HECW2: variants seen among roughly 807,000 people sequenced by gnomAD.
HECW2 encodes HECT, C2 and WW domain containing E3 ubiquitin protein ligase 2.
Under a neutral mutation model 175.2 loss-of-function variants are expected in HECW2, and 61 were observed. The ratio of observed to expected loss-of-function variants is 0.35; its 90% CI spans 0.28 to 0.43. HECW2 has a LOEUF of 0.43. Among genes scored for constraint, HECW2 ranks in the 20% least tolerant of loss-of-function variants. The pLI is 1.00. For synonymous variants in HECW2, 671 were observed against 731.0 expected, an observed-to-expected ratio of 0.92 and a Z score of 1.32; for missense variants, 1,524 against 2,000.5, an observed-to-expected ratio of 0.76 and a Z score of 4.54.
rs896429961 is a variant in HECW2 at position 196,555,143 on chromosome 2, T to A, written c.-36+38365A>T. 6.6e-5 allele frequency among the ~76,000 whole-genome samples: 10 copies of A among 152,146 alleles called. No homozygotes were observed. The East Asian group carries it at 1.9e-3, about 29-fold the overall frequency. ...TAAATAAGGAAGAAAAAACAAGCAA[T>A]TTTTTTTCTGTTTGGACTGCTATAA... On this transcript the variant is annotated intron_variant, in intron 1 of 28. Transcript: ENST00000644978.
chr2:196,227,766 T>C (rs984983142), intron 22 of HECW2, among the ~76,000 whole-genome samples: 6 of 152,274 alleles, frequency 3.9e-5, no homozygotes, highest in East Asian at 1.9e-4. Flanking sequence ...TTAGAGCTCA[T>C]AGGCACCCAA....
intron 1 of HECW2, 73 bp from the exon 2 acceptor site, chr2:196,433,531 A>C: frequency 9.0e-7 from 1 of 1,115,998 alleles, no homozygotes; most frequent in Non-Finnish European, 1.3e-6. Context: ...TCCAGACATA[A>C]AGCCTTAAAG....
intron 1 of HECW2, among the ~76,000 whole-genome samples, chr2:196,444,615 A>C (rs1209720707): frequency 3.3e-5 from 5 of 152,156 alleles, no homozygotes; most frequent in African/African-American, 1.2e-4. Context: ...TCCCTACAGC[A>C]CTTTTTCAAT....
At chr2:196,428,878 AGCCTGCTGCT>A (rs1257665876) in intron 2 of HECW2, among the ~76,000 whole-genome samples, 1 of 152,206 alleles carries the variant, frequency 6.6e-6, no homozygotes, top group East Asian at 1.9e-4. Context: ...GGTACAAGAA[AGCCTGCTGCT>A]GACTTAAACC....
intron 2 of HECW2, among the ~76,000 whole-genome samples, chr2:196,383,886 T>C (rs1038117651): frequency 6.6e-6 from 1 of 152,218 alleles, no homozygotes; most frequent in Non-Finnish European, 1.5e-5. Context: ...CAGTTCAGTA[T>C]AGTGGTTAAA....
chr2:196,270,491 T>C (rs985063679), intron 17 of HECW2, among the ~76,000 whole-genome samples: 2 of 152,196 alleles, frequency 1.3e-5, no homozygotes, highest in African/African-American at 4.8e-5. Context: ...CTGTTTTTAT[T>C]ATGGAAAAAT....
chr2:196,510,238 C>T (rs1302026856), intron 1 of HECW2, among the ~76,000 whole-genome samples: 2 of 152,170 alleles, frequency 1.3e-5, no homozygotes, highest in Non-Finnish European at 2.9e-5. Context: ...AGCCACAACC[C>T]GCCACCATCA....
chr2:196,529,285 T>C (rs1448759495), intron 1 of HECW2, among the ~76,000 whole-genome samples: 1 of 152,220 alleles, frequency 6.6e-6, no homozygotes, highest in Non-Finnish European at 1.5e-5. Context: ...GAAAAACATG[T>C]TGCCATCTCC....
chr2:196,495,012 G>A (rs186166474), intron 1 of HECW2, among the ~76,000 whole-genome samples: 25 of 152,160 alleles, frequency 1.6e-4, no homozygotes, highest in Admixed American at 7.2e-4. Flanking sequence ...CAGGAATGGC[G>A]TGATACCAGG....
intron 1 of HECW2, among the ~76,000 whole-genome samples, chr2:196,560,679 C>T (rs539908123): frequency 4.6e-5 from 7 of 152,228 alleles, no homozygotes; most frequent in African/African-American, 1.7e-4. Context: ...CAGACATTTC[C>T]TTGGTAGATC....
intron 1 of HECW2, among the ~76,000 whole-genome samples, chr2:196,452,541 G>C (rs970219264): frequency 6.6e-6 from 1 of 152,080 alleles, no homozygotes; most frequent in Non-Finnish European, 1.5e-5. Context: ...GCAACAGAAA[G>C]TTCAAGGTAA....
intron 19 of HECW2, among the ~76,000 whole-genome samples, chr2:196,248,597 G>GACAC (rs35800907): frequency 0.3 from 43,725 of 143,582 alleles, 7,365 homozygotes; most frequent in Middle Eastern, 0.39. Context: ...GAGACAGACA[G>GACAC]ACACACACAC....
intron 14 of HECW2, among the ~76,000 whole-genome samples, chr2:196,281,648 A>AG (rs1690192651): frequency 6.9e-6 from 1 of 144,362 alleles, no homozygotes; most frequent in Non-Finnish European, 1.6e-5. Context: ...CGTCTCAAAA[A>AG]AAAAAAAAAA....
chr2:196,569,259 T>C (rs2125511125), intron 1 of HECW2, among the ~76,000 whole-genome samples: 1 of 152,260 alleles, frequency 6.6e-6, no homozygotes, highest in Non-Finnish European at 1.5e-5. Context: ...GGAGGCTCAC[T>C]TGAGCCCAGG....
chr2:196,516,878 T>A (rs960079349), intron 1 of HECW2, among the ~76,000 whole-genome samples: 1 of 152,202 alleles, frequency 6.6e-6, no homozygotes, highest in Non-Finnish European at 1.5e-5. Flanking sequence ...ATCCCATTCC[T>A]CACAAGCTTG....
chr2:196,224,306 C>T (rs1018729910), intron 23 of HECW2, among the ~76,000 whole-genome samples: 1 of 151,958 alleles, frequency 6.6e-6, no homozygotes, highest in Non-Finnish European at 1.5e-5. Flanking sequence ...GTAAGACATC[C>T]GAGTGGAGAT....
intron 6 of HECW2, among the ~76,000 whole-genome samples, chr2:196,324,318 C>T (rs748041858): frequency 6.6e-6 from 1 of 152,012 alleles, no homozygotes; most frequent in Non-Finnish European, 1.5e-5. Context: ...TTTGACTTTC[C>T]GTAGTTCAAA....
Position 196,593,520 on chromosome 2 carries a change from C to G in HECW2, c.-48G>C, listed in dbSNP as rs1691292139. The G allele has an allele frequency of 6.6e-6, 1 of 152,326 alleles. No individual in the cohort carries two copies. The highest frequency in any genetic ancestry group is 1.5e-5 in the Non-Finnish European group (1 of 68,142). The allele number at this position is 152,326 out of a possible 1,614,324, so 9.4% of individuals were successfully genotyped here. ...CCGGCCTCCTCACCTCCAGCCGCGC[C>G]GGCGCCCTTCCCGCTAGACGCTTCG... On this transcript the variant is annotated 5_prime_UTR_variant, in exon 1 of 29. Transcript: ENST00000644978.
chr2:196,254,713 G>A (rs2105916071), intron 18 of HECW2, among the ~76,000 whole-genome samples: 1 of 152,286 alleles, frequency 6.6e-6, no homozygotes, highest in East Asian at 1.9e-4. Context: ...TAAGACTGTA[G>A]AAACTGCAAT....
Sources: gnomAD v4.1 joint callset for allele counts (sites outside exome capture counted in the v4.1 genomes callset) on GRCh38, gnomAD v4.1.1 for gene constraint, MANE v1.5 for transcripts, NCBI Gene and HGNC (gene_info 2026-07-23, HGNC 2026-07-21) for gene names.